ACR: variants seen among roughly 807,000 people sequenced by gnomAD.
The protein encoded by ACR is acrosin light and heavy chain prepropeptide.
ACR carries 17 observed loss-of-function variants against 26.0 expected under a neutral mutation model. The ratio of observed to expected loss-of-function variants is 0.65; its 90% CI spans 0.45 to 0.98. The LOEUF is 0.98. Among genes scored for constraint, ACR ranks in the 50% least tolerant of loss-of-function variants. ACR has a pLI of 0.00. For missense variants in ACR, 435 were observed against 519.3 expected (o/e 0.84, Z 1.58); for synonymous variants, 199 against 207.7 (o/e 0.96, Z 0.36).
Position 50,739,451 on chromosome 22 carries a change from T to A in ACR, c.258T>A (p.Ala86=). Reference sequence around the variant, plus strand: ...TGAATTCACGATGGGTGCTCACTGCTGCTCACTGCTTCGTCGGCAAAAAGT... The same window carrying A: ...TGAATTCACGATGGGTGCTCACTGCAGCTCACTGCTTCGTCGGCAAAAAGT... ...SLLNSRWVLT[A]AHCFVGKNNV... is the part of the protein sequence containing the mutation. The change falls in exon 2 of 5, where the codon GCT becomes GCA. Residue 86 remains alanine, a synonymous_variant. Coordinates refer to ENST00000216139, the MANE Select transcript of ACR (RefSeq NM_001097.3). This position sits in a 1 kb window ranked among gnomAD's most constrained non-coding sequence, Gnocchi z 5.5. 6.2e-7 allele frequency: 1 copy of A among 1,614,180 alleles called. No individual in the cohort carries two copies. The highest frequency in any genetic ancestry group is 1.1e-5 in the South Asian group (1 of 91,074).
intron 1 of ACR, 105 bp downstream of exon 1, chr22:50,738,417 T>A: frequency 1.7e-6 from 2 of 1,185,590 alleles, no homozygotes; most frequent in Non-Finnish European, 2.4e-6. Flanking sequence ...ATCCCTAACC[T>A]GGACCCCCCC....
In ACR at chr22:50,739,492, C is replaced by T; in HGVS notation, c.281+18C>T. The T allele has an allele frequency of 6.2e-7, 1 of 1,613,580 alleles. No homozygotes were observed. Among genetic ancestry groups the T allele is most frequent in the Non-Finnish European group, 8.5e-7 (1 of 1,179,718 alleles). On this transcript the variant is annotated intron_variant, in intron 2 of 4. Transcript: ENST00000216139. The surrounding 1 kb of genome is among the most constrained non-coding windows in gnomAD (Gnocchi z 5.5). ...GGCAAAAAGTACGTGTAGGGATGCA[C>T]TGAGGGAGGTCTTCAGAACGGCTCT...
rs755241889 is a variant in ACR, at chr22:50,744,607, G to C, written c.712-46G>C. 22 of 1,571,682 alleles carry C rather than the reference G, an allele frequency of 1.4e-5. No individual in the cohort carries two copies. The East Asian group carries it at 4.8e-4, about 34-fold the overall frequency. ...AGCCTTCCGACCCCTCTGGGCAGGG[G>C]AAGAGTGGCTCAGGCAGATAGTGAC... On this transcript the variant is annotated intron_variant, in intron 4 of 4. Coordinates refer to ENST00000216139, the MANE Select transcript of ACR (RefSeq NM_001097.3).
Position 50,744,161 on chromosome 22 carries a change from C to T in ACR, c.666C>T (p.Thr222=). 1 of 1,613,902 alleles carries T rather than the reference C, an allele frequency of 6.2e-7. No individual in the cohort carries two copies. The highest frequency in any genetic ancestry group is 1.1e-5 in the South Asian group (1 of 91,080). The change falls in exon 4 of 5, where the codon ACC becomes ACT. Residue 222 remains threonine (T), a synonymous_variant. Coordinates refer to ENST00000216139, the MANE Select transcript of ACR (RefSeq NM_001097.3). ...TQWYNGRVQP[T]NVCAGYPVGK... ...GGTACAATGGGCGCGTTCAGCCAAC[C>T]AATGTGTGCGCGGGGTATCCTGTAG...
At chr22:50,742,621 AC>A (rs2083430113) in intron 3 of ACR, among the ~76,000 whole-genome samples, 1 of 151,958 alleles carries the variant, frequency 6.6e-6, no homozygotes, top group Admixed American at 6.6e-5. Context: ...TGTCACCCCT[AC>A]CCCAAGGGCA....
Position 50,739,703 on chromosome 22 carries a change from T to C in ACR, c.291T>C (p.His97=), listed in dbSNP as rs2083415707. ...AHCFVGKNNV[H]DWRLVFGAKE... ...ACCTTTGTGCCCACAGTAATGTGCA[T>C]GACTGGAGACTGGTTTTCGGAGCAA... Residue 97 remains histidine (H), a synonymous_variant, in exon 3 of 5, where the codon CAT becomes CAC. Transcript: ENST00000216139. This position sits in a 1 kb window ranked among gnomAD's most constrained non-coding sequence, Gnocchi z 5.5. 1 of 1,539,992 alleles carries C rather than the reference T, an allele frequency of 6.5e-7. No individual in the cohort carries two copies. The highest frequency in any genetic ancestry group is 8.7e-7 in the Non-Finnish European group (1 of 1,145,772).
At chr22:50,742,866 G>C (rs138662706) in intron 3 of ACR, among the ~76,000 whole-genome samples, 3,822 of 152,236 alleles carry the variant, frequency 0.025, 147 homozygotes, top group African/African-American at 0.086. Flanking sequence ...TGCAGGTGAC[G>C]TCCAGATCCA....
chr22:50,742,117 C>G (rs2083426946), intron 3 of ACR, among the ~76,000 whole-genome samples: 1 of 151,846 alleles, frequency 6.6e-6, no homozygotes, highest in African/African-American at 2.4e-5. Flanking sequence ...GCCTGGGTAA[C>G]AAGAGCGAAA....
intron 3 of ACR, among the ~76,000 whole-genome samples, chr22:50,742,673 A>C (rs1278874986): frequency 6.6e-6 from 1 of 152,038 alleles, no homozygotes; most frequent in African/African-American, 2.4e-5. Context: ...GATGGTAAGA[A>C]AAGGTGGGGG....
chr22:50,743,315 G>A (rs1283101318), intron 3 of ACR, among the ~76,000 whole-genome samples: 8 of 152,326 alleles, frequency 5.3e-5, no homozygotes, highest in African/African-American at 1.2e-4. Flanking sequence ...GATGACAGGC[G>A]TGAGCCACCG....
intron 3 of ACR, among the ~76,000 whole-genome samples, chr22:50,743,177 A>G (rs2146855958): frequency 6.7e-6 from 1 of 150,076 alleles, no homozygotes; most frequent in South Asian, 2.1e-4. Flanking sequence ...CTGGGACTAC[A>G]GGCGCCCGCC....
intron 3 of ACR, among the ~76,000 whole-genome samples, chr22:50,742,275 T>C (rs2083427645): frequency 6.6e-6 from 1 of 152,034 alleles, no homozygotes; most frequent in South Asian, 2.1e-4. Context: ...CCGGGCGCGG[T>C]GGCTCACTCC....
chr22:50,742,543 C>CAA (rs71318831), intron 3 of ACR, among the ~76,000 whole-genome samples: 19 of 132,774 alleles, frequency 1.4e-4, no homozygotes, highest in Admixed American at 3.1e-4. Context: ...GACTCCGTCT[C>CAA]AAAAAAAAAA....
chr22:50,744,530 C>T (rs1225165749), intron 4 of ACR, 123 bp from the exon 5 acceptor site: 7 of 1,404,286 alleles, frequency 5.0e-6, no homozygotes, highest in Admixed American at 5.5e-5. Flanking sequence ...ACTACAACCA[C>T]TTGTGTTTAC....
At chr22:50,744,026 C>T (rs771278254) in intron 3 of ACR, 35 bp from the exon 4 acceptor site, 4 of 1,473,038 alleles carry the variant, frequency 2.7e-6, no homozygotes, top group African/African-American at 1.4e-5. Flanking sequence ...TCCGTGTCTC[C>T]CGTGATCACT....
rs757283834 is a variant in ACR at position 50,744,756 on chromosome 22, C to G, written c.815C>G (p.Pro272Arg). The change falls in exon 5 of 5, where the codon CCC becomes CGC. Residue 272 changes from proline (P) to arginine (R), a missense_variant. By Grantham distance (103) the Pro-to-Arg change is moderately radical (BLOSUM62 -2). Around this residue, in one of 3 missense-constraint regions of ACR, gnomAD observed 314 missense variants for 372.0 expected, o/e 0.84. Coordinates refer to ENST00000216139, the MANE Select transcript of ACR (RefSeq NM_001097.3). ...GTAGGCTGTGCCCGTGCCAAGCGCC[C>G]CGGAATCTACACGGCCACCTGGCCC... The part of the protein sequence containing the change: ...WGVGCARAKR[P>R]GIYTATWPYL... 8 of 1,611,826 alleles carry G rather than the reference C, an allele frequency of 5.0e-6. No individual in the cohort carries two copies. The South Asian group carries it at 8.8e-5, about 18-fold the overall frequency.
rs765386919 is a variant in ACR at position 50,744,880 on chromosome 22, A to G, written c.939A>G (p.Arg313=). 4.8e-5 allele frequency: 68 copies of G among 1,415,536 alleles called. No individual in the cohort carries two copies. In the East Asian group the frequency reaches 1.6e-3, roughly 33 times the overall value. 87.7% of individuals were successfully genotyped at this position (1,415,536 alleles called of 1,614,324 possible). The change falls in exon 5 of 5, where the codon CGA becomes CGG. Residue 313 remains arginine (R), a synonymous_variant. Transcript: ENST00000216139. Reference sequence around the variant, plus strand: ...CCACCACTCGACCGCCCCCGATTCGACCCCCCTTCTCCCACCCTATCTCTG... The same window carrying G: ...CCACCACTCGACCGCCCCCGATTCGGCCCCCCTTCTCCCACCCTATCTCTG... ...PPPTTRPPPI[R]PPFSHPISAH...
chr22:50,738,362 A>G, intron 1 of ACR, 50 bp downstream of exon 1: 1 of 1,555,528 alleles, frequency 6.4e-7, no homozygotes, highest in South Asian at 1.1e-5. Flanking sequence ...AGGAGCAGGT[A>G]CCACCCCGAC....
intron 3 of ACR, among the ~76,000 whole-genome samples, chr22:50,741,511 A>G (rs1160772493): frequency 6.6e-6 from 1 of 150,840 alleles, no homozygotes; most frequent in Non-Finnish European, 1.5e-5. Flanking sequence ...GTCCTATTCT[A>G]TTACTCAGAC....
Sources: gnomAD v4.1 joint callset for allele counts (sites outside exome capture counted in the v4.1 genomes callset) on GRCh38, gnomAD v4.1.1 for gene constraint, gnomAD v4.1.1 regional missense constraint, Gnocchi (gnomAD v3.1) non-coding constraint, MANE v1.5 for transcripts, NCBI Gene and HGNC (gene_info 2026-07-23, HGNC 2026-07-21) for gene names.